The following MGAT4C variants were observed in gnomAD, a reference collection of about 807,000 sequenced individuals.
MGAT4C encodes the protein alpha-1,3-mannosyl-glycoprotein 4-beta-N-acetylglucosaminyltransferase C.
In MGAT4C, 19 loss-of-function variants were observed where a neutral mutation model predicts 40.1. The observed-to-expected ratio is 0.47, with a 90% confidence interval of 0.33 to 0.70. The LOEUF (loss-of-function observed/expected upper bound fraction) is 0.70. MGAT4C is among the 30% of genes least tolerant of loss of function. MGAT4C has a pLI of 0.02. For synonymous variants in MGAT4C, 181 were observed against 187.1 expected, an observed-to-expected ratio of 0.97 and a Z score of 0.27; for missense variants, 491 against 563.2, an observed-to-expected ratio of 0.87 and a Z score of 1.30.
chr12:86,802,069 T>C (rs1010536888), intron 1 of MGAT4C, among the ~76,000 whole-genome samples: 2 of 151,938 alleles, frequency 1.3e-5, no homozygotes, highest in Non-Finnish European at 2.9e-5. Context: ...TGGCACTGGA[T>C]CATGGTCAAT....
At chr12:86,578,594 A>G in intron 2 of MGAT4C, among the ~76,000 whole-genome samples, 1 of 151,676 alleles carries the variant, frequency 6.6e-6, no homozygotes, top group South Asian at 2.1e-4. Flanking sequence ...ATTCAATTTT[A>G]GTAGGTTGTA....
At chr12:86,138,339 C>G (rs1405141474) in intron 1 of MGAT4C, among the ~76,000 whole-genome samples, 1 of 150,508 alleles carries the variant, frequency 6.6e-6, no homozygotes, top group Non-Finnish European at 1.5e-5. Flanking sequence ...CTAGACTTTT[C>G]TTCTCAGGGT....
intron 1 of MGAT4C, among the ~76,000 whole-genome samples, chr12:86,763,437 A>C (rs1356478573): frequency 1.3e-5 from 2 of 152,146 alleles, no homozygotes; most frequent in Admixed American, 6.6e-5. Context: ...ATTTGATATC[A>C]TATTAATGTG....
chr12:86,644,373 G>C (rs969924585), intron 2 of MGAT4C, among the ~76,000 whole-genome samples: 1 of 151,534 alleles, frequency 6.6e-6, no homozygotes, highest in Admixed American at 6.6e-5. Flanking sequence ...TCCTTAGCAA[G>C]TTAAGATGAA....
At chr12:86,207,076 C>T (rs839170) in intron 1 of MGAT4C, among the ~76,000 whole-genome samples, 1 of 151,242 alleles carries the variant, frequency 6.6e-6, no homozygotes, top group Admixed American at 6.6e-5. Flanking sequence ...AAAGAAGAAA[C>T]CATTAAACAG....
chr12:86,107,077 T>A (rs1012557156), intron 1 of MGAT4C, among the ~76,000 whole-genome samples: 3 of 152,100 alleles, frequency 2.0e-5, no homozygotes, highest in African/African-American at 7.2e-5. Flanking sequence ...TTTAGTAAAA[T>A]GAAAAAGCTA....
chr12:86,689,752 C>A (rs1409675393), intron 2 of MGAT4C, among the ~76,000 whole-genome samples: 1 of 152,130 alleles, frequency 6.6e-6, no homozygotes, highest in Non-Finnish European at 1.5e-5. Context: ...GTCTGTCGAC[C>A]CTGGCTGGGA....
At chr12:86,254,291 G>A (rs1185421073) in intron 1 of MGAT4C, among the ~76,000 whole-genome samples, 4 of 151,838 alleles carry the variant, frequency 2.6e-5, no homozygotes, top group Admixed American at 6.6e-5. Flanking sequence ...GTGTACTTGC[G>A]TTGTATAAAG....
intron 2 of MGAT4C, among the ~76,000 whole-genome samples, chr12:86,563,481 T>C (rs1177301893): frequency 2.6e-5 from 4 of 152,164 alleles, no homozygotes; most frequent in South Asian, 2.1e-4. Flanking sequence ...ATTTGAATTA[T>C]AAAAATAGAG....
chr12:86,706,843 C>T (rs955097465), intron 2 of MGAT4C, among the ~76,000 whole-genome samples: 1 of 152,134 alleles, frequency 6.6e-6, no homozygotes, highest in Admixed American at 6.5e-5. Flanking sequence ...TGAATTCCCA[C>T]ATGTTGTGGG....
rs542700751 is a variant in MGAT4C at position 86,028,577 on chromosome 12, G to A, written c.-7+21097C>T. 3.9e-4 allele frequency among the ~76,000 whole-genome samples: 60 copies of A among 151,956 alleles called. 2 individuals carry two copies. The highest frequency in any genetic ancestry group is 3.9e-3 in the Admixed American group (59 of 15,184). On this transcript the variant is annotated intron_variant, in intron 2 of 4. Transcript: ENST00000611864. ...CTCAGAAATGTTCCCTAACAGTTTT[G>A]ATTAAAATTTTAATTGATAAATTTA...
At chr12:86,167,444 T>A (rs888005590) in intron 1 of MGAT4C, among the ~76,000 whole-genome samples, 2 of 152,176 alleles carry the variant, frequency 1.3e-5, no homozygotes, top group Admixed American at 1.3e-4. Context: ...TTAATCTGAA[T>A]CAGTGAATAT....
At chr12:86,681,518 C>T (rs948068365) in intron 2 of MGAT4C, among the ~76,000 whole-genome samples, 7 of 151,794 alleles carry the variant, frequency 4.6e-5, no homozygotes, top group African/African-American at 1.7e-4. Flanking sequence ...CACTCACTCA[C>T]TTATTCATCA....
In MGAT4C at chr12:86,602,145, C is replaced by G. The variant is rs530092865; in HGVS notation, c.-229+125064G>C. ...TGGCCAGACCCGTGTTCATTTTCTC[C>G]CTTGCTGTTCCTCGCCTGGCTGACC... On this transcript the variant is annotated intron_variant, in intron 2 of 7. Transcript: ENST00000548651. Among the ~76,000 whole-genome samples, 14 of 152,272 alleles carry G rather than the reference C, an allele frequency of 9.2e-5. No individual in the cohort carries two copies. In the East Asian group the frequency reaches 2.7e-3, roughly 30 times the overall value.
intron 3 of MGAT4C, among the ~76,000 whole-genome samples, chr12:86,412,917 G>A (rs938187377): frequency 1.3e-5 from 2 of 152,172 alleles, no homozygotes; most frequent in African/African-American, 4.8e-5. Context: ...GATAGTGAGT[G>A]AGTTATCACA....
At chr12:86,830,682 C>A (rs1003013248) in intron 1 of MGAT4C, among the ~76,000 whole-genome samples, 1 of 151,376 alleles carries the variant, frequency 6.6e-6, no homozygotes, top group Non-Finnish European at 1.5e-5. Context: ...TGCTCTATTG[C>A]ATTCTGCCTC....
At chr12:86,585,975 G>C (rs960075664) in intron 2 of MGAT4C, among the ~76,000 whole-genome samples, 1 of 148,756 alleles carries the variant, frequency 6.7e-6, no homozygotes, top group Non-Finnish European at 1.5e-5. Flanking sequence ...TATACTTTAA[G>C]TTTTAGGGTA....
At chr12:85,982,525 T>A (rs1478205702) in intron 4 of MGAT4C, among the ~76,000 whole-genome samples, 1 of 152,176 alleles carries the variant, frequency 6.6e-6, no homozygotes, top group Non-Finnish European at 1.5e-5. Flanking sequence ...CATTTAAAAA[T>A]CAGGCTGCAT....
chr12:86,515,442 T>C (rs955929109), intron 2 of MGAT4C, among the ~76,000 whole-genome samples: 6 of 152,088 alleles, frequency 3.9e-5, no homozygotes, highest in Admixed American at 2.6e-4. Context: ...GGTTGCACAA[T>C]ACAAAATCAA....
Sources: allele counts gnomAD v4.1 joint callset (sites outside exome capture counted in the v4.1 genomes callset), GRCh38; gene constraint gnomAD v4.1.1; transcripts MANE v1.5; gene names NCBI Gene and HGNC (gene_info 2026-07-23, HGNC 2026-07-21).